ROBO2: variants seen among roughly 807,000 people sequenced by gnomAD.
The protein encoded by ROBO2 is roundabout homolog 2.
In ROBO2, 53 loss-of-function variants were observed where a neutral mutation model predicts 160.8. The ratio of observed to expected loss-of-function variants is 0.33; its 90% CI spans 0.26 to 0.41. The LOEUF (loss-of-function observed/expected upper bound fraction) is 0.41. Ranked by LOEUF, ROBO2 falls within the 10% of genes least tolerant of loss-of-function variation. The pLI is 1.00. For synonymous variants in ROBO2, 664 were observed against 611.7 expected (o/e 1.09, Z -1.26); for missense variants, 1,577 against 1,722.4 (o/e 0.92, Z 1.49).
intron 1 of ROBO2, among the ~76,000 whole-genome samples, chr3:75,918,338 G>A (rs1247622114): frequency 2.0e-5 from 3 of 152,074 alleles, no homozygotes; most frequent in African/African-American, 7.2e-5. Context: ...AAGATCAGAT[G>A]GTTGTAGCTG....
At chr3:77,279,237 T>A (rs1454257504) in intron 2 of ROBO2, among the ~76,000 whole-genome samples, 18 of 152,146 alleles carry the variant, frequency 1.2e-4, no homozygotes, top group Admixed American at 1.2e-3. Context: ...ATTTTCTGAA[T>A]ATAATTGCCC....
chr3:76,262,246 A>G (rs578191589), intron 2 of ROBO2, among the ~76,000 whole-genome samples: 1 of 152,274 alleles, frequency 6.6e-6, no homozygotes, highest in South Asian at 2.1e-4. Context: ...TGTAGTTAGT[A>G]TGAAAGAATA....
At chr3:77,219,529 A>G (rs1202144434) in intron 2 of ROBO2, among the ~76,000 whole-genome samples, 1 of 143,514 alleles carries the variant, frequency 7.0e-6, no homozygotes. Context: ...GTGTGTGTAT[A>G]TATATATATG....
chr3:76,345,666 A>G (rs987332774), intron 2 of ROBO2, among the ~76,000 whole-genome samples: 3 of 151,836 alleles, frequency 2.0e-5, no homozygotes, highest in Non-Finnish European at 2.9e-5. Context: ...ATTTTCAGGT[A>G]CTGAAAAATT....
chr3:77,524,922 T>TA (rs1263283202), intron 6 of ROBO2, among the ~76,000 whole-genome samples: 2 of 151,262 alleles, frequency 1.3e-5, no homozygotes, highest in South Asian at 2.1e-4. Flanking sequence ...AAACTGGGTT[T>TA]AAAAAAATCT....
chr3:76,389,985 A>G (rs1356931054), intron 2 of ROBO2, among the ~76,000 whole-genome samples: 3 of 152,162 alleles, frequency 2.0e-5, no homozygotes, highest in Non-Finnish European at 4.4e-5. Context: ...ATTCTTCACT[A>G]GAGCTCAAAT....
intron 2 of ROBO2, among the ~76,000 whole-genome samples, chr3:77,433,490 AT>A (rs2078992510): frequency 1.7e-5 from 1 of 58,054 alleles, no homozygotes; most frequent in African/African-American, 1.3e-4. Context: ...CAACTTGTAT[AT>A]ATATATATAT....
intron 2 of ROBO2, among the ~76,000 whole-genome samples, chr3:76,203,845 C>T (rs371822592): frequency 4.6e-5 from 7 of 152,170 alleles, no homozygotes; most frequent in East Asian, 1.9e-4. Flanking sequence ...ATCGGCTTCC[C>T]GGTCAACAGA....
At chr3:76,863,106 A>G (rs552829905) in intron 2 of ROBO2, among the ~76,000 whole-genome samples, 16 of 152,262 alleles carry the variant, frequency 1.1e-4, no homozygotes, top group African/African-American at 3.6e-4. Context: ...TGCCCTCTGC[A>G]ATACAAACTG....
rs572572328 is a variant in ROBO2 at position 76,402,489 on chromosome 3, A to G, written c.109+464887A>G. Among the ~76,000 whole-genome samples, 16 of 151,716 alleles carry G rather than the reference A, an allele frequency of 1.1e-4. No individual in the cohort carries two copies. In the South Asian group the frequency reaches 3.3e-3, roughly 31 times the overall value. ...AGATTAGCAAGAACTTATGGGCTTAAATGACACAAATGTATTATCTCATAG... is the reference window on the plus strand; with the variant it reads ...AGATTAGCAAGAACTTATGGGCTTAGATGACACAAATGTATTATCTCATAG... On this transcript the variant is annotated intron_variant, in intron 2 of 26. Transcript: ENST00000487694.
At chr3:77,393,534 TTAAC>T (rs10576232) in intron 2 of ROBO2, among the ~76,000 whole-genome samples, 46,653 of 148,896 alleles carry the variant, frequency 0.31, 7,597 homozygotes, top group East Asian at 0.45. Context: ...TGTGAATGAA[TTAAC>T]TATTATATTT....
At chr3:76,141,056 C>CATATATATATATATATAT (rs1467448213) in intron 2 of ROBO2, among the ~76,000 whole-genome samples, 8 of 6,130 alleles carry the variant, frequency 1.3e-3, no homozygotes, top group African/African-American at 1.9e-3. Context: ...TGTCTTTTTA[C>CATATATATATATATATAT]ATACATATAT....
intron 2 of ROBO2, among the ~76,000 whole-genome samples, chr3:76,490,467 C>T (rs74383599): frequency 2.6e-5 from 4 of 151,986 alleles, no homozygotes; most frequent in East Asian, 1.9e-4. Flanking sequence ...AATAGCAAAG[C>T]GAAATGCTTA....
At chr3:77,537,809 G>C (rs1307578256) in intron 6 of ROBO2, among the ~76,000 whole-genome samples, 1 of 152,036 alleles carries the variant, frequency 6.6e-6, no homozygotes, top group Non-Finnish European at 1.5e-5. Flanking sequence ...GCCCTTTGTG[G>C]GGGAACTCTC....
intron 2 of ROBO2, among the ~76,000 whole-genome samples, chr3:76,368,620 G>A (rs768515841): frequency 6.6e-6 from 1 of 151,918 alleles, no homozygotes; most frequent in Non-Finnish European, 1.5e-5. Flanking sequence ...AAAGCTCCCA[G>A]ACTGACCGTT....
intron 2 of ROBO2, among the ~76,000 whole-genome samples, chr3:76,045,530 T>C (rs1439399774): frequency 2.0e-5 from 3 of 152,048 alleles, no homozygotes; most frequent in African/African-American, 7.3e-5. Flanking sequence ...AAATAAGTAA[T>C]GCCAAAATAA....
chr3:77,218,784 T>G (rs533655718), intron 2 of ROBO2, among the ~76,000 whole-genome samples: 4 of 152,356 alleles, frequency 2.6e-5, no homozygotes, highest in Admixed American at 2.0e-4. Flanking sequence ...GACTGACTAA[T>G]GCGTCTGACT....
chr3:76,172,220 T>C (rs1180043581), intron 2 of ROBO2, among the ~76,000 whole-genome samples: 1 of 146,054 alleles, frequency 6.8e-6, no homozygotes, highest in Non-Finnish European at 1.5e-5. Context: ...TTCTCACTCA[T>C]AGGTGGGAAT....
intron 2 of ROBO2, among the ~76,000 whole-genome samples, chr3:76,747,114 T>C (rs948279189): frequency 2.0e-5 from 3 of 152,152 alleles, no homozygotes; most frequent in Admixed American, 6.6e-5. Flanking sequence ...AATAAACATA[T>C]GCGTGCATGT....
Sources: gnomAD v4.1 joint callset for allele counts (sites outside exome capture counted in the v4.1 genomes callset) on GRCh38, gnomAD v4.1.1 for gene constraint, MANE v1.5 for transcripts, NCBI Gene and HGNC (gene_info 2026-07-23, HGNC 2026-07-21) for gene names.